Variants in RANBP2 observed in about 807,000 individuals in gnomAD.
The protein encoded by RANBP2 is RAN binding protein 2, also known as E3 SUMO-protein ligase RanBP2.
A neutral mutation model predicts 303.6 loss-of-function variants in RANBP2; 57 were observed. That is an observed-to-expected ratio of 0.19 (90% confidence interval 0.15 to 0.23). The LOEUF is 0.23. RANBP2 is among the 10% of genes least tolerant of loss of function. The pLI is 1.00. For missense variants in RANBP2, 3,138 were observed against 3,780.8 expected, an observed-to-expected ratio of 0.83 and a Z score of 4.46; for synonymous variants, 1,167 against 1,301.5, an observed-to-expected ratio of 0.90 and a Z score of 2.23.
At chr2:109,392,016 A>G in the RANBP2 span, among the ~76,000 whole-genome samples, 2 of 151,956 alleles carry the variant, frequency 1.3e-5, no homozygotes, top group African/African-American at 2.4e-5. Context: ...GGGTCTCACT[A>G]TATTACCCAG....
At chr2:109,414,774 C>G in the RANBP2 span, among the ~76,000 whole-genome samples, 1 of 152,332 alleles carries the variant, frequency 6.6e-6, no homozygotes, top group Non-Finnish European at 1.5e-5. Context: ...TTGTTCCTGT[C>G]TCTCCAGCAG....
the RANBP2 span, among the ~76,000 whole-genome samples, chr2:109,217,687 A>T: frequency 1.3e-5 from 2 of 152,230 alleles, no homozygotes; most frequent in African/African-American, 4.8e-5. Context: ...AGAAGACCAG[A>T]TGTCCGAAGA....
At chr2:109,438,672 C>T in the RANBP2 span, among the ~76,000 whole-genome samples, 1 of 152,228 alleles carries the variant, frequency 6.6e-6, no homozygotes, top group Non-Finnish European at 1.5e-5. Context: ...CAACCCATGA[C>T]CTTCTGATCA....
the RANBP2 span, chr2:109,129,902 T>TC: frequency 1.3e-6 from 2 of 1,509,276 alleles, no homozygotes; most frequent in Non-Finnish European, 1.8e-6. Flanking sequence ...CTGGACGGCA[T>TC]CCGTCAGCGG....
chr2:109,447,643 G>C, the RANBP2 span, among the ~76,000 whole-genome samples: 1 of 152,096 alleles, frequency 6.6e-6, no homozygotes, highest in Non-Finnish European at 1.5e-5. Flanking sequence ...AACAACCCAG[G>C]ACACAAGTCA....
chr2:109,590,108 A>G, the RANBP2 span, among the ~76,000 whole-genome samples: 9 of 151,278 alleles, frequency 5.9e-5, no homozygotes, highest in South Asian at 4.2e-4. Context: ...ATATATATGT[A>G]TGTATATATA....
chr2:109,327,810 T>A, the RANBP2 span, among the ~76,000 whole-genome samples: 4 of 152,370 alleles, frequency 2.6e-5, no homozygotes, highest in East Asian at 7.7e-4. Context: ...CTTTTACATA[T>A]ACATACCACT....
chr2:109,023,066 A>C, the RANBP2 span, among the ~76,000 whole-genome samples: 1 of 152,304 alleles, frequency 6.6e-6, no homozygotes, highest in African/African-American at 2.4e-5. Context: ...AAAAGAAAAA[A>C]AGAATTATCC....
At chr2:109,252,447 T>C in the RANBP2 span, among the ~76,000 whole-genome samples, 1 of 152,218 alleles carries the variant, frequency 6.6e-6, no homozygotes, top group Non-Finnish European at 1.5e-5. Flanking sequence ...TTTGTCTTTT[T>C]ACAGGCCTTC....
the RANBP2 span, among the ~76,000 whole-genome samples, chr2:109,445,116 C>A: frequency 6.6e-6 from 1 of 152,010 alleles, no homozygotes; most frequent in Non-Finnish European, 1.5e-5. Context: ...AATTGGAAAG[C>A]CATACAGAGG....
the RANBP2 span, among the ~76,000 whole-genome samples, chr2:109,501,313 A>C: frequency 2.0e-5 from 3 of 152,338 alleles, no homozygotes; most frequent in East Asian, 3.9e-4. Context: ...ATGCCTTTTA[A>C]ATTTTTTTTA....
chr2:109,244,013 T>A, the RANBP2 span, among the ~76,000 whole-genome samples: 238 of 152,332 alleles, frequency 1.6e-3, 1 homozygote, highest in Non-Finnish European at 2.3e-3. Context: ...GTTTTTGCCA[T>A]CAGCAGTGAT....
the RANBP2 span, among the ~76,000 whole-genome samples, chr2:109,029,903 A>C: frequency 0.73 from 110,563 of 152,120 alleles, 40,514 homozygotes; most frequent in East Asian, 0.86. Context: ...AAGGCTGTTT[A>C]TTTTAAAGAA....
At chr2:109,718,395 G>A in the RANBP2 span, among the ~76,000 whole-genome samples, 2 of 152,198 alleles carry the variant, frequency 1.3e-5, no homozygotes, top group African/African-American at 4.8e-5. Flanking sequence ...AAAAAGGAAT[G>A]AAGTACTAAT....
At chr2:109,181,243 G>A in the RANBP2 span, among the ~76,000 whole-genome samples, 9 of 152,100 alleles carry the variant, frequency 5.9e-5, no homozygotes, top group Non-Finnish European at 1.3e-4. Flanking sequence ...ACAGAACAGA[G>A]GATTCCTGTA....
chr2:109,114,581 C>A, the RANBP2 span, among the ~76,000 whole-genome samples: 2 of 152,036 alleles, frequency 1.3e-5, no homozygotes, highest in African/African-American at 2.4e-5. Flanking sequence ...TTCAAAAAAC[C>A]AGCTCCTGGA....
chr2:109,260,253 T>C, the RANBP2 span, among the ~76,000 whole-genome samples: 1 of 152,218 alleles, frequency 6.6e-6, no homozygotes, highest in South Asian at 2.1e-4. Flanking sequence ...TGGAAAACCA[T>C]GCAAACTGAC....
chr2:109,409,084 C>T, the RANBP2 span, among the ~76,000 whole-genome samples: 1 of 152,212 alleles, frequency 6.6e-6, no homozygotes, highest in Non-Finnish European at 1.5e-5. Context: ...TTGAGATTTT[C>T]ATTCACCAAA....
the RANBP2 span, among the ~76,000 whole-genome samples, chr2:109,370,188 G>T: frequency 1.4e-5 from 2 of 143,716 alleles, no homozygotes; most frequent in South Asian, 2.5e-4. Context: ...CATTGCTGTG[G>T]TGGTCTCTGT....
Sources: allele counts gnomAD v4.1 joint callset (sites outside exome capture counted in the v4.1 genomes callset), GRCh38; gene constraint gnomAD v4.1.1; transcripts MANE v1.5; gene names NCBI Gene and HGNC (gene_info 2026-07-23, HGNC 2026-07-21).